The following SH3PXD2A variants were observed in gnomAD, a reference collection of about 807,000 sequenced individuals.
SH3PXD2A encodes SH3 and PX domain-containing protein 2A.
SH3PXD2A carries 32 observed loss-of-function variants against 115.2 expected under a neutral mutation model. The ratio of observed to expected loss-of-function variants is 0.28; its 90% CI spans 0.21 to 0.37. SH3PXD2A has a LOEUF of 0.37. Ranked by LOEUF, SH3PXD2A falls within the 10% of genes least tolerant of loss-of-function variation. SH3PXD2A has a pLI of 1.00. For missense variants in SH3PXD2A, 1,328 were observed against 1,498.7 expected, an observed-to-expected ratio of 0.89 and a Z score of 1.88; for synonymous variants, 610 against 629.1, an observed-to-expected ratio of 0.97 and a Z score of 0.45.
chr10:103,798,082 G>A (rs1171843846), intron 2 of SH3PXD2A, among the ~76,000 whole-genome samples: 1 of 152,160 alleles, frequency 6.6e-6, no homozygotes, highest in Non-Finnish European at 1.5e-5. Context: ...CCTGGCCTTC[G>A]GGAACAAAGG....
intron 5 of SH3PXD2A, among the ~76,000 whole-genome samples, chr10:103,706,309 G>C (rs1348555047): frequency 6.6e-6 from 1 of 152,140 alleles, no homozygotes; most frequent in South Asian, 2.1e-4. Context: ...GGCTGGACTG[G>C]AGGAGCCTGA....
At position 103,620,617 on chromosome 10, in the gene SH3PXD2A, C is replaced by T. The variant is rs539293559; in HGVS notation, c.802+1853G>A. ...GACCAGCTCTGCTGTTTGCAGCAAGCGTCTCCAAGCCAACTCTCTGCAAGT... is the reference window on the plus strand; with the variant it reads ...GACCAGCTCTGCTGTTTGCAGCAAGTGTCTCCAAGCCAACTCTCTGCAAGT... On this transcript the variant is annotated intron_variant, in intron 10 of 14. Transcript: ENST00000369774. This position sits in a 1 kb window ranked among gnomAD's most constrained non-coding sequence, Gnocchi z 5.3. 5.5e-4 allele frequency among the ~76,000 whole-genome samples: 83 copies of T among 152,262 alleles called. No individual in the cohort carries two copies. The highest frequency in any genetic ancestry group is 3.4e-3 in the Middle Eastern group (1 of 294).
At chr10:103,759,617 A>G (rs9663414) in intron 3 of SH3PXD2A, among the ~76,000 whole-genome samples, 70,784 of 152,086 alleles carry the variant, frequency 0.47, 17,106 homozygotes, top group East Asian at 0.62. Context: ...ATCCCTGGCC[A>G]CAGTTGTTTG....
chr10:103,759,377 T>C (rs1441520714), intron 3 of SH3PXD2A, among the ~76,000 whole-genome samples: 2 of 152,184 alleles, frequency 1.3e-5, no homozygotes. Context: ...TAGATTCACT[T>C]TTCTCCCTAA....
chr10:103,668,097 C>T (rs2037408218), intron 7 of SH3PXD2A, among the ~76,000 whole-genome samples: 2 of 152,234 alleles, frequency 1.3e-5, no homozygotes, highest in Admixed American at 1.3e-4. Context: ...CCAGTGAGAT[C>T]ACTGGAAATG....
chr10:103,757,884 CCTGGGCTGCAGT>C (rs1222641587), intron 3 of SH3PXD2A, among the ~76,000 whole-genome samples: 1 of 152,162 alleles, frequency 6.6e-6, no homozygotes, highest in African/African-American at 2.4e-5. Flanking sequence ...TGGGCTGCGG[CCTGGGCTGCAGT>C]GGGAAGAGCT....
intron 2 of SH3PXD2A, among the ~76,000 whole-genome samples, chr10:103,782,939 G>T (rs1265679561): frequency 6.6e-6 from 1 of 151,818 alleles, no homozygotes; most frequent in Non-Finnish European, 1.5e-5. Flanking sequence ...GCCTTGGGGG[G>T]GGGGGCTCTC....
intron 2 of SH3PXD2A, 121 bp from the exon 3 acceptor site, chr10:103,767,290 G>A (rs2038764286): frequency 1.4e-5 from 10 of 707,516 alleles, no homozygotes; most frequent in South Asian, 3.2e-5. Context: ...AGTGACGCCT[G>A]AGATCCCTCA....
At chr10:103,729,512 G>T (rs1006439156) in intron 4 of SH3PXD2A, among the ~76,000 whole-genome samples, 3 of 152,272 alleles carry the variant, frequency 2.0e-5, no homozygotes, top group Admixed American at 6.5e-5. Context: ...GAAGGCCTCA[G>T]GTTGGAGAAG....
chr10:103,694,191 T>C (rs2037797234), intron 5 of SH3PXD2A, among the ~76,000 whole-genome samples: 1 of 151,280 alleles, frequency 6.6e-6, no homozygotes, highest in African/African-American at 2.4e-5. Context: ...GCCTTCCATT[T>C]TCCCCAGGGG....
At chr10:103,643,108 G>A (rs977343239) in intron 8 of SH3PXD2A, among the ~76,000 whole-genome samples, 1 of 152,198 alleles carries the variant, frequency 6.6e-6, no homozygotes, top group Non-Finnish European at 1.5e-5. Flanking sequence ...CAAAAATCCA[G>A]TACCGCCTGA....
intron 6 of SH3PXD2A, among the ~76,000 whole-genome samples, chr10:103,686,307 C>A (rs1372938412): frequency 6.6e-6 from 1 of 152,250 alleles, no homozygotes; most frequent in Non-Finnish European, 1.5e-5. Context: ...CTGACAACAG[C>A]CCCAGGGCCC....
At chr10:103,842,240 T>C (rs1045499374) in intron 1 of SH3PXD2A, among the ~76,000 whole-genome samples, 1 of 74,454 alleles carries the variant, frequency 1.3e-5, no homozygotes, top group Non-Finnish European at 3.2e-5. Context: ...ACTATGTTTT[T>C]GACCTATTTT....
Position 103,767,706 on chromosome 10 carries a change from G to GC in SH3PXD2A, c.154-538_154-537insG, listed in dbSNP as rs1218961991. On this transcript the variant is annotated intron_variant, in intron 2 of 14. Transcript: ENST00000369774. ...CATCCCATTGCCCCTGCTGCCGGAA[G>GC]ACCATTCCTCCACTTCCTACCTTCC... Among the ~76,000 whole-genome samples the GC allele has an allele frequency of 7.5e-3, 1,131 of 151,024 alleles. 14 individuals are homozygous for GC. Among genetic ancestry groups the GC allele is most frequent in the African/African-American group, 0.026 (1,046 of 40,560 alleles).
At chr10:103,774,463 T>C (rs2038859723) in intron 2 of SH3PXD2A, among the ~76,000 whole-genome samples, 1 of 152,202 alleles carries the variant, frequency 6.6e-6, no homozygotes, top group African/African-American at 2.4e-5. Flanking sequence ...ATCCATATTT[T>C]CCTTTAGTTA....
intron 2 of SH3PXD2A, among the ~76,000 whole-genome samples, chr10:103,795,932 C>CAGGAAGGA (rs938972216): frequency 2.0e-5 from 2 of 98,262 alleles, no homozygotes; most frequent in Non-Finnish European, 4.4e-5. Context: ...GGAAGGAAGG[C>CAGGAAGGA]AGGAAGGAAG....
chr10:103,738,795 CT>C (rs763927827), intron 3 of SH3PXD2A, among the ~76,000 whole-genome samples: 194 of 146,344 alleles, frequency 1.3e-3, no homozygotes, highest in East Asian at 6.9e-3. Flanking sequence ...ACAGAACTCT[CT>C]TTTTTTTTTT....
rs575148627 is a variant in SH3PXD2A at position 103,753,011 on chromosome 10, A to G, written c.229+14083T>C. The stretch of plus-strand genomic sequence containing the variant: ...TTTATTAAAAGGACAACATTGATCA[A>G]CCTCTAATATGTATATATATATATT... On this transcript the variant is annotated intron_variant, in intron 3 of 14. Transcript: ENST00000369774. Among the ~76,000 whole-genome samples, 3 of 152,200 alleles carry G rather than the reference A, an allele frequency of 2.0e-5. No homozygotes were observed. In the South Asian group the frequency reaches 6.2e-4, roughly 32 times the overall value.
intron 1 of SH3PXD2A, among the ~76,000 whole-genome samples, chr10:103,815,343 T>C (rs2039313181): frequency 1.3e-5 from 2 of 151,356 alleles, no homozygotes; most frequent in South Asian, 2.1e-4. Flanking sequence ...CTGGAACATA[T>C]AAAGAACTCT....
Sources: gnomAD v4.1 joint callset for allele counts (sites outside exome capture counted in the v4.1 genomes callset) on GRCh38, gnomAD v4.1.1 for gene constraint, Gnocchi (gnomAD v3.1) non-coding constraint, MANE v1.5 for transcripts, NCBI Gene and HGNC (gene_info 2026-07-23, HGNC 2026-07-21) for gene names.